Variants in PKHD1 observed in about 807,000 individuals in gnomAD.
The protein encoded by PKHD1 is PKHD1 ciliary IPT domain containing fibrocystin/polyductin.
PKHD1 carries 291 observed loss-of-function variants against 412.0 expected under a neutral mutation model. That is an observed-to-expected ratio of 0.71 (90% CI 0.64 to 0.78). The LOEUF (loss-of-function observed/expected upper bound fraction) is 0.78, where lower values mean the gene tolerates loss of function less well. Among genes scored for constraint, PKHD1 ranks in the 30% least tolerant of loss-of-function variants. PKHD1 has a pLI of 0.00. For missense variants in PKHD1, 4,825 were observed against 4,950.7 expected (o/e 0.97, Z 0.76); for synonymous variants, 1,777 against 1,821.5 (o/e 0.98, Z 0.62).
chr6:51,822,145 C>T lies in PKHD1; in HGVS notation c.8302+8716G>A, dbSNP rs184284155. Among the ~76,000 whole-genome samples, 7 of 152,294 alleles carry T rather than the reference C, an allele frequency of 4.6e-5. No homozygotes were observed. In the South Asian group the frequency reaches 1.0e-3, roughly 23 times the overall value. On this transcript the variant is annotated intron_variant, in intron 52 of 66. Coordinates refer to ENST00000371117, the MANE Select transcript of PKHD1 (RefSeq NM_138694.4). Reference sequence around the variant, plus strand: ...AACCAGAAAGTGACCAGGGACACAACCTGGCTGCCACCTTAAAAGTCTGCT... The same window carrying T: ...AACCAGAAAGTGACCAGGGACACAATCTGGCTGCCACCTTAAAAGTCTGCT...
Position 51,952,874 on chromosome 6 carries a change from A to C in PKHD1, c.5908+6996T>G, listed in dbSNP as rs888900682. On this transcript the variant is annotated intron_variant, in intron 36 of 66. Coordinates refer to ENST00000371117, the MANE Select transcript of PKHD1 (RefSeq NM_138694.4). The stretch of plus-strand genomic sequence containing the variant: ...AGGAAGAAAATTTACTCATTCCTAT[A>C]CTGCTCTTCCTCCACAGAGTTGCAC... Among the ~76,000 whole-genome samples, 11 of 152,282 alleles carry C rather than the reference A, an allele frequency of 7.2e-5. No homozygotes were observed. The East Asian group carries it at 2.1e-3, about 29-fold the overall frequency.
At chr6:51,943,298 G>A (rs1247419478) in intron 36 of PKHD1, among the ~76,000 whole-genome samples, 1 of 150,906 alleles carries the variant, frequency 6.6e-6, no homozygotes, top group African/African-American at 2.4e-5. Context: ...ATGCTACAAG[G>A]TACAGCCCAT....
intron 59 of PKHD1, among the ~76,000 whole-genome samples, chr6:51,746,001 G>GC (rs1562216421): frequency 6.6e-6 from 1 of 150,796 alleles, no homozygotes; most frequent in Non-Finnish European, 1.5e-5. Flanking sequence ...TTTTTGCTTT[G>GC]TTTTTTTTTC....
intron 60 of PKHD1, among the ~76,000 whole-genome samples, chr6:51,683,734 A>G (rs557220318): frequency 2.6e-5 from 4 of 152,220 alleles, no homozygotes; most frequent in Non-Finnish European, 4.4e-5. Context: ...GTAATTTTCT[A>G]GCTCTTCCAT....
intron 60 of PKHD1, among the ~76,000 whole-genome samples, chr6:51,714,729 A>G (rs1211207807): frequency 6.6e-6 from 1 of 152,154 alleles, no homozygotes; most frequent in Non-Finnish European, 1.5e-5. Flanking sequence ...AAAAAGATAC[A>G]CAGGCAGAGC....
intron 60 of PKHD1, among the ~76,000 whole-genome samples, chr6:51,685,318 C>G (rs1317943493): frequency 6.6e-6 from 1 of 151,940 alleles, no homozygotes; most frequent in Non-Finnish European, 1.5e-5. Flanking sequence ...TAAAATTAAC[C>G]AGATTTTCCT....
intron 1 of PKHD1, among the ~76,000 whole-genome samples, chr6:52,085,764 G>A (rs1812685080): frequency 6.6e-6 from 1 of 152,086 alleles, no homozygotes; most frequent in Non-Finnish European, 1.5e-5. Context: ...GTCCCACACA[G>A]CGCTCAGTAC....
At chr6:51,784,855 C>CT (rs370152710) in intron 53 of PKHD1, among the ~76,000 whole-genome samples, 2,156 of 152,254 alleles carry the variant, frequency 0.014, 45 homozygotes, top group African/African-American at 0.049. Context: ...CTAGCTTTTT[C>CT]TTGTCTCTAT....
rs755343632 is a variant in PKHD1 at position 52,022,952 on chromosome 6, G to T, written c.5237-8C>A. 6.2e-7 allele frequency: 1 copy of T among 1,614,026 alleles called. No individual in the cohort carries two copies. The highest frequency in any genetic ancestry group is 8.5e-7 in the Non-Finnish European group (1 of 1,179,996). ...GCCTTCCACCCAGGCAGCCTTTAAA[G>T]ACAAAGGTACAAGTTCTTGATCATA... On this transcript the variant is annotated splice_region_variant and splice_polypyrimidine_tract_variant and intron_variant, in intron 32 of 66. Transcript: ENST00000371117.
chr6:51,789,596 T>C (rs74296135), intron 53 of PKHD1, among the ~76,000 whole-genome samples: 15,908 of 152,164 alleles, frequency 0.1, 899 homozygotes, highest in East Asian at 0.14. Flanking sequence ...AAAATGACTT[T>C]GAGATAAAAC....
chr6:51,903,533 CT>C, intron 43 of PKHD1, 63 bp downstream of exon 43: 1 of 1,486,018 alleles, frequency 6.7e-7, no homozygotes, highest in Non-Finnish European at 9.3e-7. Flanking sequence ...TTGGACACCC[CT>C]GATTGAGAAA....
intron 14 of PKHD1, 94 bp from the exon 15 acceptor site, chr6:52,060,136 G>A (rs1808455001): frequency 6.7e-6 from 5 of 745,978 alleles, no homozygotes; most frequent in South Asian, 5.6e-5. Flanking sequence ...TTCTTTTATG[G>A]TAATAAAGAA....
chr6:51,639,125 C>T (rs948108391), intron 63 of PKHD1, among the ~76,000 whole-genome samples, 169 bp from the exon 64 acceptor site: 1 of 152,124 alleles, frequency 6.6e-6, no homozygotes, highest in African/African-American at 2.4e-5. Flanking sequence ...AACCAAATGA[C>T]CCAAGACAGA....
intron 5 of PKHD1, among the ~76,000 whole-genome samples, chr6:52,076,846 T>A (rs181299321): frequency 6.6e-6 from 1 of 152,282 alleles, no homozygotes; most frequent in Admixed American, 6.5e-5. Context: ...AATGAGAAAC[T>A]GGATAGGCAC....
At chr6:51,633,899 T>C (rs1255509823) in intron 64 of PKHD1, among the ~76,000 whole-genome samples, 1 of 152,152 alleles carries the variant, frequency 6.6e-6, no homozygotes, top group East Asian at 1.9e-4. Context: ...TAAAAATAAA[T>C]TGTTTGAAAA....
At chr6:51,623,562 A>G (rs1766884739) in intron 66 of PKHD1, among the ~76,000 whole-genome samples, 1 of 151,864 alleles carries the variant, frequency 6.6e-6, no homozygotes, top group South Asian at 2.1e-4. Context: ...TGTCCTCCTA[A>G]TTTGTTGTAT....
At chr6:51,688,915 G>A (rs549629413) in intron 60 of PKHD1, among the ~76,000 whole-genome samples, 1 of 152,188 alleles carries the variant, frequency 6.6e-6, no homozygotes, top group Admixed American at 6.5e-5. Flanking sequence ...AATTCTACCA[G>A]ATGTACAAAG....
intron 2 of PKHD1, among the ~76,000 whole-genome samples, chr6:52,084,177 G>A (rs1227872500): frequency 6.6e-6 from 1 of 152,172 alleles, no homozygotes; most frequent in Non-Finnish European, 1.5e-5. Context: ...AAGTGTTACC[G>A]ACAGAATTAT....
Position 51,934,254 on chromosome 6 carries a change from C to T in PKHD1, c.5977G>A (p.Gly1993Ser), listed in dbSNP as rs1422700433. Residue 1993 changes from glycine (G) to serine (S), a missense_variant, in exon 37 of 67, where the codon GGT becomes AGT. Physicochemically the swap from Gly to Ser is moderately conservative, Grantham distance 56. Transcript: ENST00000371117. The part of the protein sequence containing the change: ...LRAHAILVSD[G>S]GELRIGSEDK... ...TCGGATCCAATCCGGAGCTCTCCAC[C>T]ATCAGAAACAAGGATGGCGTGTGCC... is the stretch of plus-strand genomic sequence containing the variant. 1 of 1,613,856 alleles carries T rather than the reference C, an allele frequency of 6.2e-7. No homozygotes were observed. Among genetic ancestry groups the T allele is most frequent in the Admixed American group, 1.7e-5 (1 of 60,016 alleles).
Sources: allele counts gnomAD v4.1 joint callset (sites outside exome capture counted in the v4.1 genomes callset), GRCh38; gene constraint gnomAD v4.1.1; transcripts MANE v1.5; gene names NCBI Gene and HGNC (gene_info 2026-07-23, HGNC 2026-07-21).